The following KCNQ5 variants were observed in gnomAD, a reference collection of about 807,000 sequenced individuals.
The protein encoded by KCNQ5 is potassium voltage-gated channel subfamily Q member 5.
In KCNQ5, 30 loss-of-function variants were observed where a neutral mutation model predicts 98.2. The observed-to-expected ratio is 0.31, with a 90% CI of 0.23 to 0.41. The LOEUF (loss-of-function observed/expected upper bound fraction) is 0.41. Ranked by LOEUF, KCNQ5 falls within the 10% of genes least tolerant of loss-of-function variation. The pLI is 1.00. For missense variants in KCNQ5, 835 were observed against 1,182.5 expected (o/e 0.71, Z 4.31); for synonymous variants, 458 against 449.4 (o/e 1.02, Z -0.24).
chr6:72,655,018 G>GTCTTTCTTTCTT (rs1392372301), intron 1 of KCNQ5, among the ~76,000 whole-genome samples: 1 of 90,594 alleles, frequency 1.1e-5, no homozygotes, highest in Non-Finnish European at 2.0e-5. Context: ...AATAGCCAAG[G>GTCTTTCTTTCTT]TCTGTCTGTC....
chr6:72,757,704 G>A (rs1772042077), intron 1 of KCNQ5, among the ~76,000 whole-genome samples: 3 of 151,966 alleles, frequency 2.0e-5, no homozygotes, highest in South Asian at 4.1e-4. Flanking sequence ...CGTAACCCTG[G>A]TTAAGTCAGG....
intron 10 of KCNQ5, among the ~76,000 whole-genome samples, chr6:73,150,577 C>T (rs938790675): frequency 6.7e-6 from 1 of 148,236 alleles, no homozygotes; most frequent in African/African-American, 2.5e-5. Context: ...CATGTATGTG[C>T]CACAATTTGT....
intron 1 of KCNQ5, among the ~76,000 whole-genome samples, chr6:72,641,267 A>G (rs1255714474): frequency 6.6e-6 from 1 of 152,166 alleles, no homozygotes; most frequent in Non-Finnish European, 1.5e-5. Context: ...AAGAGTATGT[A>G]TAAATGTTAC....
chr6:72,677,781 C>T (rs1767486635), intron 1 of KCNQ5, among the ~76,000 whole-genome samples: 1 of 152,154 alleles, frequency 6.6e-6, no homozygotes, highest in African/African-American at 2.4e-5. Context: ...ATAGATGTAA[C>T]TCTATTGAAC....
chr6:72,898,044 T>A (rs939265947), intron 1 of KCNQ5, among the ~76,000 whole-genome samples: 1 of 152,222 alleles, frequency 6.6e-6, no homozygotes, highest in Non-Finnish European at 1.5e-5. Flanking sequence ...TACTAAAAGT[T>A]TGCTGTTTAA....
At chr6:72,693,805 A>G (rs185024515) in intron 1 of KCNQ5, among the ~76,000 whole-genome samples, 40 of 152,314 alleles carry the variant, frequency 2.6e-4, no homozygotes, top group Admixed American at 4.6e-4. Context: ...AGCTGTTTCT[A>G]AGACTTATCT....
At chr6:73,030,267 T>C (rs564336285) in intron 2 of KCNQ5, among the ~76,000 whole-genome samples, 129 of 152,348 alleles carry the variant, frequency 8.5e-4, no homozygotes, top group Middle Eastern at 3.4e-3. Context: ...AGAGCTAATA[T>C]GCAGTTTCTA....
At chr6:72,966,595 A>AG (rs1173898632) in intron 1 of KCNQ5, among the ~76,000 whole-genome samples, 1 of 152,004 alleles carries the variant, frequency 6.6e-6, no homozygotes, top group Non-Finnish European at 1.5e-5. Context: ...AAAGAGAGAG[A>AG]GAAAAAAAAG....
chr6:73,192,447 T>C (rs1300592129), intron 12 of KCNQ5, 118 bp from the exon 13 acceptor site: 1 of 862,348 alleles, frequency 1.2e-6, no homozygotes, highest in Admixed American at 3.0e-5. Context: ...CTTTCTTATT[T>C]CATCTTACAT....
intron 10 of KCNQ5, among the ~76,000 whole-genome samples, chr6:73,152,587 AC>A (rs542382241): frequency 9.8e-4 from 149 of 152,234 alleles, no homozygotes; most frequent in African/African-American, 3.4e-3. Context: ...AGTTTCTGTT[AC>A]CTTCTAGTTG....
intron 1 of KCNQ5, among the ~76,000 whole-genome samples, chr6:72,754,558 A>G (rs1771860373): frequency 6.6e-6 from 1 of 152,136 alleles, no homozygotes; most frequent in Non-Finnish European, 1.5e-5. Context: ...TCTAGCAGAC[A>G]GGGACCAAGG....
intron 3 of KCNQ5, among the ~76,000 whole-genome samples, chr6:73,052,840 A>C (rs373476140): frequency 6.6e-6 from 1 of 152,216 alleles, no homozygotes; most frequent in Non-Finnish European, 1.5e-5. Context: ...ACAGATCTGC[A>C]TAATAACCAA....
intron 1 of KCNQ5, among the ~76,000 whole-genome samples, chr6:72,929,019 G>A (rs928239117): frequency 1.3e-5 from 2 of 152,042 alleles, no homozygotes; most frequent in Non-Finnish European, 2.9e-5. Flanking sequence ...GCGTATAGAA[G>A]TATAGAGAGA....
intron 11 of KCNQ5, among the ~76,000 whole-genome samples, chr6:73,180,692 T>C (rs975244285): frequency 6.6e-6 from 1 of 152,220 alleles, no homozygotes; most frequent in African/African-American, 2.4e-5. Context: ...ATAAAATCTT[T>C]GGACCATGCC....
At chr6:72,698,996 G>T (rs545015164) in intron 1 of KCNQ5, among the ~76,000 whole-genome samples, 3 of 152,200 alleles carry the variant, frequency 2.0e-5, no homozygotes, top group Non-Finnish European at 2.9e-5. Flanking sequence ...TACTTTAAAA[G>T]GCAGAATAGA....
chr6:72,675,095 T>C (rs1477976100), intron 1 of KCNQ5, among the ~76,000 whole-genome samples: 1 of 152,200 alleles, frequency 6.6e-6, no homozygotes, highest in East Asian at 1.9e-4. Flanking sequence ...TTTTTTGCTT[T>C]GCTCAGGTCT....
intron 11 of KCNQ5, 131 bp downstream of exon 11, chr6:73,169,985 G>T: frequency 1.5e-6 from 1 of 659,640 alleles, no homozygotes; most frequent in Non-Finnish European, 2.7e-6. Context: ...TCATCCATAT[G>T]CCTATTGAAT....
At chr6:72,897,518 G>A (rs765788935) in intron 1 of KCNQ5, among the ~76,000 whole-genome samples, 2 of 152,034 alleles carry the variant, frequency 1.3e-5, no homozygotes, top group African/African-American at 2.4e-5. Flanking sequence ...TTCCAGCATG[G>A]GCAACAGAGT....
intron 5 of KCNQ5, among the ~76,000 whole-genome samples, chr6:73,084,924 A>G (rs77076918): frequency 1.3e-5 from 2 of 152,338 alleles, no homozygotes; most frequent in Middle Eastern, 6.8e-3. Context: ...AATAAGAACC[A>G]AGAGGGCTCC....
Sources: gnomAD v4.1 joint callset for allele counts (sites outside exome capture counted in the v4.1 genomes callset) on GRCh38, gnomAD v4.1.1 for gene constraint, MANE v1.5 for transcripts, NCBI Gene and HGNC (gene_info 2026-07-23, HGNC 2026-07-21) for gene names.